The following CACNA1E variants were observed in gnomAD, a reference collection of about 807,000 sequenced individuals.
CACNA1E encodes the protein voltage-dependent R-type calcium channel subunit alpha-1E.
In CACNA1E, 40 loss-of-function variants were observed where a neutral mutation model predicts 259.2. The ratio of observed to expected loss-of-function variants is 0.15; its 90% CI spans 0.12 to 0.20. The LOEUF is 0.20. Among genes scored for constraint, CACNA1E ranks in the 10% least tolerant of loss-of-function variants. The probability of loss-of-function intolerance (pLI) is 1.00; values close to 1 mark genes in which losing one functional copy is unlikely to be tolerated. For synonymous variants in CACNA1E, 1,104 were observed against 1,138.5 expected (o/e 0.97, Z 0.61); for missense variants, 1,874 against 3,040.1 (o/e 0.62, Z 9.02).
chr1:181,569,614 T>G (rs1650203338), intron 3 of CACNA1E, among the ~76,000 whole-genome samples: 1 of 152,226 alleles, frequency 6.6e-6, no homozygotes, highest in African/African-American at 2.4e-5. Context: ...TAGATCATAA[T>G]TACTTACACA....
At chr1:181,495,365 C>T (rs1664659499) in intron 1 of CACNA1E, among the ~76,000 whole-genome samples, 1 of 152,132 alleles carries the variant, frequency 6.6e-6, no homozygotes, top group African/African-American at 2.4e-5. Context: ...ACCTGCTTAC[C>T]CTTGCAGTGC....
chr1:181,636,941 G>T (rs973074994), intron 6 of CACNA1E, among the ~76,000 whole-genome samples: 2 of 152,170 alleles, frequency 1.3e-5, no homozygotes, highest in Non-Finnish European at 2.9e-5. Context: ...TGTGTTTTCT[G>T]AACCTTCTCC....
chr1:181,430,129 G>C (rs1659613628), intron 2 of CACNA1E, among the ~76,000 whole-genome samples: 1 of 152,204 alleles, frequency 6.6e-6, no homozygotes, highest in Non-Finnish European at 1.5e-5. Flanking sequence ...GAAAGGTTCT[G>C]GATCTCTGTG....
chr1:181,524,652 G>T (rs560126876), intron 3 of CACNA1E, among the ~76,000 whole-genome samples: 2 of 152,202 alleles, frequency 1.3e-5, no homozygotes, highest in Non-Finnish European at 2.9e-5. Flanking sequence ...CTATGATCTC[G>T]TGGTTTATGT....
intron 1 of CACNA1E, among the ~76,000 whole-genome samples, chr1:181,370,517 G>A (rs1287030765): frequency 6.6e-6 from 1 of 152,172 alleles, no homozygotes. Context: ...GCTTATAAGT[G>A]AGAACATGTG....
intron 7 of CACNA1E, among the ~76,000 whole-genome samples, chr1:181,683,206 TG>T (rs767766067): frequency 1.3e-5 from 2 of 152,234 alleles, no homozygotes; most frequent in African/African-American, 2.4e-5. Flanking sequence ...GTCTAGCAAG[TG>T]GCACTTTATG....
chr1:181,460,181 A>C (rs1661711760), intron 2 of CACNA1E, among the ~76,000 whole-genome samples: 1 of 152,120 alleles, frequency 6.6e-6, no homozygotes, highest in South Asian at 2.1e-4. Context: ...GAATTAGGGG[A>C]GGTTATTAGA....
At chr1:181,634,027 G>T (rs1403216062) in intron 6 of CACNA1E, among the ~76,000 whole-genome samples, 1 of 152,196 alleles carries the variant, frequency 6.6e-6, no homozygotes, top group Non-Finnish European at 1.5e-5. Flanking sequence ...CAGACCTTGG[G>T]TAATTGATGG....
chr1:181,359,613 C>G (rs1345002882), intron 1 of CACNA1E, among the ~76,000 whole-genome samples: 1 of 152,134 alleles, frequency 6.6e-6, no homozygotes, highest in Non-Finnish European at 1.5e-5. Context: ...CTCTATGGCT[C>G]TGTGCTTCCT....
chr1:181,608,276 C>A (rs144502551), intron 6 of CACNA1E, among the ~76,000 whole-genome samples: 1 of 151,706 alleles, frequency 6.6e-6, no homozygotes, highest in Non-Finnish European at 1.5e-5. Context: ...CAGGGAGGAG[C>A]GAGGAACGAT....
At chr1:181,480,613 C>T (rs867650212), upstream of CACNA1E, among the ~76,000 whole-genome samples, 14 of 152,110 alleles carry the variant, frequency 9.2e-5, no homozygotes, top group Admixed American at 2.6e-4. Flanking sequence ...AGAGACAAGT[C>T]GGGGATCTCT....
At chr1:181,628,906 C>A (rs1026158721) in intron 6 of CACNA1E, among the ~76,000 whole-genome samples, 1 of 152,142 alleles carries the variant, frequency 6.6e-6, no homozygotes, top group East Asian at 1.9e-4. Flanking sequence ...GATTTTCTTG[C>A]CTTTTTTTCT....
chr1:181,482,120 G>A (rs1319386675), upstream of CACNA1E, among the ~76,000 whole-genome samples: 3 of 152,228 alleles, frequency 2.0e-5, no homozygotes, highest in Non-Finnish European at 4.4e-5. Context: ...GGGCCTCCCA[G>A]GTGCTAAGTG....
At chr1:181,784,372 A>T (rs961142248) in intron 40 of CACNA1E, among the ~76,000 whole-genome samples, 1 of 152,150 alleles carries the variant, frequency 6.6e-6, no homozygotes, top group Non-Finnish European at 1.5e-5. Context: ...TTCTCCTCTG[A>T]TGTATTGAGC....
chr1:181,477,458 G>C (rs1339617222), intron 2 of CACNA1E, among the ~76,000 whole-genome samples: 1 of 152,190 alleles, frequency 6.6e-6, no homozygotes, highest in Non-Finnish European at 1.5e-5. Flanking sequence ...AACAATGTGT[G>C]GCTCATCAAA....
At chr1:181,627,470 A>G (rs1215186222) in intron 6 of CACNA1E, among the ~76,000 whole-genome samples, 1 of 152,198 alleles carries the variant, frequency 6.6e-6, no homozygotes, top group African/African-American at 2.4e-5. Context: ...GGGGGGAGAT[A>G]AGGCTCGGTA....
At chr1:181,409,573 T>G (rs1168483137) in intron 1 of CACNA1E, among the ~76,000 whole-genome samples, 1 of 152,160 alleles carries the variant, frequency 6.6e-6, no homozygotes, top group Admixed American at 6.5e-5. Context: ...CTCAAGGAAT[T>G]TAAGGAATGC....
At chr1:181,654,093 T>G (rs1229290391) in intron 7 of CACNA1E, among the ~76,000 whole-genome samples, 1 of 152,034 alleles carries the variant, frequency 6.6e-6, no homozygotes, top group Non-Finnish European at 1.5e-5. Context: ...ATTTAAAAGC[T>G]GTATCTGCTA....
chr1:181,575,876 T>C (rs571321319), intron 3 of CACNA1E, among the ~76,000 whole-genome samples: 1 of 152,350 alleles, frequency 6.6e-6, no homozygotes, highest in African/African-American at 2.4e-5. Flanking sequence ...TCTCCACACC[T>C]ATCCTTGAAG....
Sources: gnomAD v4.1 joint callset for allele counts (sites outside exome capture counted in the v4.1 genomes callset) on GRCh38, gnomAD v4.1.1 for gene constraint, MANE v1.5 for transcripts, NCBI Gene and HGNC (gene_info 2026-07-23, HGNC 2026-07-21) for gene names.